Variants in CCDC73 observed in about 807,000 individuals in gnomAD.
CCDC73 encodes coiled-coil domain-containing protein 73.
In CCDC73, 95 loss-of-function variants were observed where a neutral mutation model predicts 116.5. The ratio of observed to expected loss-of-function variants is 0.82; its 90% CI spans 0.69 to 0.97. The LOEUF (loss-of-function observed/expected upper bound fraction) is 0.97. Ranked by LOEUF, CCDC73 falls within the 50% of genes least tolerant of loss-of-function variation. The pLI is 0.00. For missense variants in CCDC73, 1,066 were observed against 1,206.8 expected, an observed-to-expected ratio of 0.88 and a Z score of 1.73; for synonymous variants, 398 against 401.3, an observed-to-expected ratio of 0.99 and a Z score of 0.10.
chr11:32,745,871 C>A (rs1373262300), intron 2 of CCDC73, among the ~76,000 whole-genome samples: 1 of 151,458 alleles, frequency 6.6e-6, no homozygotes, highest in Non-Finnish European at 1.5e-5. Flanking sequence ...GGTCTTGACT[C>A]TTTATCCAGT....
intron 17 of CCDC73, among the ~76,000 whole-genome samples, chr11:32,610,842 T>C (rs1329049173): frequency 1.3e-5 from 2 of 152,208 alleles, no homozygotes; most frequent in Admixed American, 1.3e-4. Context: ...TTTTAAATGC[T>C]CAAATACCAC....
At chr11:32,677,407 A>G (rs952100943) in intron 7 of CCDC73, among the ~76,000 whole-genome samples, 2 of 152,180 alleles carry the variant, frequency 1.3e-5, no homozygotes, top group Non-Finnish European at 2.9e-5. Flanking sequence ...AAATAAACCA[A>G]TTGATAGCTA....
rs1211276786 is a variant in CCDC73, at chr11:32,614,263, A to G, written c.2055T>C (p.Phe685=). 6.2e-7 allele frequency: 1 copy of G among 1,613,724 alleles called. No individual in the cohort carries two copies. The change falls in exon 16 of 18, where the codon TTT becomes TTC. Residue 685 remains phenylalanine, a synonymous_variant. Coordinates refer to ENST00000335185, the MANE Select transcript of CCDC73 (RefSeq NM_001008391.4). ...CTAAAGTATCATTACAGACTTGCAG[A>G]AAATCTGAAGTTTGTTTAGAAAGTA... The part of the protein sequence containing the change: ...SILLSKQTSD[F]LQVCNDTLEK...
the CCDC73 span, among the ~76,000 whole-genome samples, chr11:32,818,482 C>G: frequency 6.6e-6 from 1 of 152,278 alleles, no homozygotes; most frequent in Admixed American, 6.5e-5. Context: ...ACATATTAAG[C>G]CTTAAAAATG....
the CCDC73 span, chr11:32,829,957 G>A: frequency 6.3e-5 from 62 of 985,708 alleles, no homozygotes; most frequent in Admixed American, 1.6e-3. Flanking sequence ...GACCGAGGCA[G>A]GACCTCACCC....
rs1049838117 is a variant in CCDC73 at position 32,602,892 on chromosome 11, ATTTTCAC to A, written c.3152_3158del (p.Ser1051IlefsTer3). 2.5e-6 allele frequency: 4 copies of A among 1,611,668 alleles called. No homozygotes were observed. The African/African-American group carries it at 5.4e-5, about 22-fold the overall frequency. ...GGTTGTCATTTTCTAAACTTAGTAA[ATTTTCAC>A]TTTTATTTAGTTGATTCGTAATGAG... is the stretch of plus-strand genomic sequence containing the variant. On this transcript the variant is annotated frameshift_variant, in exon 18 of 18. Coordinates refer to ENST00000335185, the MANE Select transcript of CCDC73 (RefSeq NM_001008391.4). LOFTEE classifies it high-confidence loss of function.
intron 12 of CCDC73, among the ~76,000 whole-genome samples, chr11:32,643,940 A>T (rs959495206): frequency 2.6e-5 from 4 of 152,124 alleles, no homozygotes; most frequent in Non-Finnish European, 4.4e-5. Flanking sequence ...GTACAGCTGT[A>T]TAAAAATATT....
At chr11:32,640,730 A>G (rs1326817022) in intron 13 of CCDC73, among the ~76,000 whole-genome samples, 1 of 152,164 alleles carries the variant, frequency 6.6e-6, no homozygotes, top group Non-Finnish European at 1.5e-5. Flanking sequence ...AAAACATGTT[A>G]GTTCCGGCTG....
intron 2 of CCDC73, among the ~76,000 whole-genome samples, chr11:32,732,623 TA>T (rs945799053): frequency 4.0e-5 from 6 of 151,892 alleles, no homozygotes; most frequent in African/African-American, 1.5e-4. Context: ...TCAACATTCT[TA>T]AAAAAAAGAA....
Position 32,614,024 on chromosome 11 carries a change from C to T in CCDC73, c.2294G>A (p.Gly765Glu). ...GTTCACATTAGTGTTTTCTAAGTAT[C>T]CCAAACAGTTATTAAATTGACTGTT... ...MQNSQFNNCLGYLENTNVNIS... is the reference protein window; with the variant it reads ...MQNSQFNNCLEYLENTNVNIS... Residue 765 changes from glycine (G) to glutamate (E), a missense_variant, in exon 16 of 18, where the codon GGA (glycine) becomes GAA (glutamate). Physicochemically the swap from Gly to Glu is moderately conservative, Grantham distance 98. Coordinates refer to ENST00000335185, the MANE Select transcript of CCDC73 (RefSeq NM_001008391.4). 6.2e-7 allele frequency: 1 copy of T among 1,611,850 alleles called. No homozygotes were observed. The highest frequency in any genetic ancestry group is 8.5e-7 in the Non-Finnish European group (1 of 1,179,696).
At chr11:32,701,474 G>C (rs1356939062) in intron 4 of CCDC73, among the ~76,000 whole-genome samples, 1 of 152,138 alleles carries the variant, frequency 6.6e-6, no homozygotes, top group Admixed American at 6.5e-5. Context: ...GCTGAGGCAA[G>C]AGAATTGCTT....
At chr11:32,607,017 C>T (rs1182632445) in intron 17 of CCDC73, among the ~76,000 whole-genome samples, 12 of 150,918 alleles carry the variant, frequency 8.0e-5, no homozygotes, top group Non-Finnish European at 1.0e-4. Flanking sequence ...CCTTGTGATC[C>T]GCCCACCTTG....
the CCDC73 span, among the ~76,000 whole-genome samples, chr11:32,817,454 A>C: frequency 6.6e-6 from 1 of 152,150 alleles, no homozygotes; most frequent in Non-Finnish European, 1.5e-5. Context: ...CTACATTTTA[A>C]TCTTTATCAA....
At chr11:32,707,741 A>G (rs1345048543) in intron 3 of CCDC73, among the ~76,000 whole-genome samples, 1 of 152,144 alleles carries the variant, frequency 6.6e-6, no homozygotes, top group Non-Finnish European at 1.5e-5. Context: ...GGGTAAATGT[A>G]TCACTCCTGA....
chr11:32,745,331 G>A (rs1469736653), intron 2 of CCDC73, among the ~76,000 whole-genome samples: 1 of 152,122 alleles, frequency 6.6e-6, no homozygotes, highest in African/African-American at 2.4e-5. Context: ...CAATTATGTG[G>A]TCAATTTTAG....
the CCDC73 span, among the ~76,000 whole-genome samples, chr11:32,816,775 CTTTT>C: frequency 6.6e-6 from 1 of 152,040 alleles, no homozygotes; most frequent in Non-Finnish European, 1.5e-5. Flanking sequence ...GGTTTTCTTT[CTTTT>C]TTTCTTTTCT....
chr11:32,771,171 A>G (rs1850489925), intron 1 of CCDC73, among the ~76,000 whole-genome samples: 1 of 152,194 alleles, frequency 6.6e-6, no homozygotes, highest in African/African-American at 2.4e-5. Flanking sequence ...CAGCACTGCC[A>G]GCTTGGACTA....
At chr11:32,808,006 C>T in the CCDC73 span, among the ~76,000 whole-genome samples, 1 of 151,830 alleles carries the variant, frequency 6.6e-6, no homozygotes, top group Non-Finnish European at 1.5e-5. Flanking sequence ...TTTATGAGAA[C>T]AAAATAAACA....
intron 6 of CCDC73, among the ~76,000 whole-genome samples, chr11:32,691,047 CT>C (rs145108336): frequency 0.021 from 2,971 of 141,902 alleles, 180 homozygotes; most frequent in East Asian, 0.12. Context: ...CTGGCAACCA[CT>C]TTTTTTTTTT....
Sources: gnomAD v4.1 joint callset for allele counts (sites outside exome capture counted in the v4.1 genomes callset) on GRCh38, gnomAD v4.1.1 for gene constraint, MANE v1.5 for transcripts, NCBI Gene and HGNC (gene_info 2026-07-23, HGNC 2026-07-21) for gene names.